The following NELL1 variants were observed in gnomAD, a reference collection of about 807,000 sequenced individuals.
NELL1 encodes the protein protein kinase C-binding protein NELL1.
A neutral mutation model predicts 107.4 loss-of-function variants in NELL1; 76 were observed. That is an observed-to-expected ratio of 0.71 (90% CI 0.59 to 0.86). NELL1 has a LOEUF of 0.86. NELL1 is among the 40% of genes least tolerant of loss of function. The probability of loss-of-function intolerance (pLI) is 0.00; values close to 1 mark genes in which losing one functional copy is unlikely to be tolerated. For synonymous variants in NELL1, 353 were observed against 341.2 expected, an observed-to-expected ratio of 1.03 and a Z score of -0.38; for missense variants, 1,024 against 1,005.5, an observed-to-expected ratio of 1.02 and a Z score of -0.25.
chr11:20,756,059 A>AT (rs1327300612), intron 2 of NELL1, among the ~76,000 whole-genome samples: 2 of 150,166 alleles, frequency 1.3e-5, no homozygotes, highest in Non-Finnish European at 3.0e-5. Flanking sequence ...CACCCGGCTA[A>AT]TTTTTTGTAT....
chr11:21,212,300 G>A (rs1216615007), intron 13 of NELL1, among the ~76,000 whole-genome samples: 2 of 152,140 alleles, frequency 1.3e-5, no homozygotes, highest in Non-Finnish European at 2.9e-5. Flanking sequence ...GGCTCATATA[G>A]TATGAGCATA....
chr11:21,139,022 G>C (rs975675192), intron 13 of NELL1, among the ~76,000 whole-genome samples: 1 of 152,144 alleles, frequency 6.6e-6, no homozygotes, highest in African/African-American at 2.4e-5. Flanking sequence ...AATACAAGTG[G>C]AACGTATTGA....
In NELL1 at chr11:21,452,534, A is replaced by T. The variant is rs1342041290; in HGVS notation, c.1645+81586A>T. 2.0e-5 allele frequency among the ~76,000 whole-genome samples: 3 copies of T among 152,162 alleles called. No homozygotes were observed. In the East Asian group the frequency reaches 5.8e-4, roughly 29 times the overall value. ...TTATGTGTCTGAAATATGTAGTTGT[A>T]ATCTGTGTGCTCTTTCTTTTCTTCT... On this transcript the variant is annotated intron_variant, in intron 15 of 19. Coordinates refer to ENST00000357134, the MANE Select transcript of NELL1 (RefSeq NM_006157.5).
chr11:20,690,809 A>G (rs1210548116), intron 2 of NELL1, among the ~76,000 whole-genome samples: 2 of 147,930 alleles, frequency 1.4e-5, no homozygotes, highest in Admixed American at 1.3e-4. Context: ...GTTTTTTCCA[A>G]TTCTGTGAAG....
chr11:21,354,169 G>A (rs754539874), intron 14 of NELL1, among the ~76,000 whole-genome samples: 2 of 152,076 alleles, frequency 1.3e-5, no homozygotes, highest in African/African-American at 2.4e-5. Flanking sequence ...AGATTTGTGC[G>A]AGGCTCCCCA....
intron 13 of NELL1, among the ~76,000 whole-genome samples, chr11:21,217,247 C>T (rs1337879820): frequency 1.3e-5 from 2 of 152,174 alleles, no homozygotes; most frequent in Non-Finnish European, 2.9e-5. Context: ...AATAAAACTA[C>T]TTTACTTTAT....
chr11:21,201,223 G>T (rs1181642582), intron 13 of NELL1, among the ~76,000 whole-genome samples: 8 of 152,202 alleles, frequency 5.3e-5, no homozygotes, highest in Admixed American at 5.2e-4. Flanking sequence ...ACTATGGGCA[G>T]TGTGGCCATT....
At chr11:21,094,541 G>A (rs1404749182) in intron 12 of NELL1, among the ~76,000 whole-genome samples, 1 of 152,216 alleles carries the variant, frequency 6.6e-6, no homozygotes, top group African/African-American at 2.4e-5. Context: ...GGCTCTCCAT[G>A]AGTGTCCTGC....
intron 5 of NELL1, among the ~76,000 whole-genome samples, chr11:20,902,875 T>C (rs910689784): frequency 2.0e-5 from 3 of 152,044 alleles, no homozygotes; most frequent in African/African-American, 7.2e-5. Flanking sequence ...ATCATGTATA[T>C]ATTTCAAAAT....
intron 13 of NELL1, among the ~76,000 whole-genome samples, chr11:21,153,344 A>G (rs1856160944): frequency 6.6e-6 from 1 of 152,068 alleles, no homozygotes; most frequent in Non-Finnish European, 1.5e-5. Context: ...GTATTTGTGT[A>G]TGTGAGATGA....
chr11:21,233,332 G>T (rs1201269084), intron 14 of NELL1, among the ~76,000 whole-genome samples: 1 of 152,122 alleles, frequency 6.6e-6, no homozygotes, highest in African/African-American at 2.4e-5. Context: ...TAAGTAAGAC[G>T]TAGTTGAATC....
intron 15 of NELL1, among the ~76,000 whole-genome samples, chr11:21,394,824 G>C (rs979995489): frequency 6.6e-6 from 1 of 151,452 alleles, no homozygotes; most frequent in Admixed American, 6.6e-5. Flanking sequence ...AGAATATTCA[G>C]ATATTCTATA....
chr11:20,968,670 G>A (rs1851433987), intron 12 of NELL1, among the ~76,000 whole-genome samples: 1 of 152,170 alleles, frequency 6.6e-6, no homozygotes, highest in South Asian at 2.1e-4. Flanking sequence ...CATTTTATCA[G>A]CTGTTTATAG....
chr11:21,197,212 T>G lies in NELL1; in HGVS notation c.1427-32120T>G, dbSNP rs552396178. Among the ~76,000 whole-genome samples, 7 of 151,962 alleles carry G rather than the reference T, an allele frequency of 4.6e-5. No homozygotes were observed. The South Asian group carries it at 1.5e-3, about 32-fold the overall frequency. On this transcript the variant is annotated intron_variant, in intron 13 of 19. Coordinates refer to ENST00000357134, the MANE Select transcript of NELL1 (RefSeq NM_006157.5). ...AATTCTTAAGCCAGTCTTTTTTTTT[T>G]TTTAACTAAAGGAGAAACAGTATGA...
At chr11:21,243,799 T>C (rs907511662) in intron 14 of NELL1, among the ~76,000 whole-genome samples, 2 of 152,250 alleles carry the variant, frequency 1.3e-5, no homozygotes, top group East Asian at 3.9e-4. Flanking sequence ...GGTTAGTGGC[T>C]ACCATAGCCA....
chr11:21,378,686 T>C (rs1166306358), intron 15 of NELL1, among the ~76,000 whole-genome samples: 1 of 151,666 alleles, frequency 6.6e-6, no homozygotes, highest in East Asian at 2.0e-4. Context: ...ATTTCTCTTA[T>C]GGTGTAAGAC....
At chr11:21,339,146 T>C (rs1258407152) in intron 14 of NELL1, among the ~76,000 whole-genome samples, 1 of 152,208 alleles carries the variant, frequency 6.6e-6, no homozygotes, top group African/African-American at 2.4e-5. Context: ...AATGTGACTG[T>C]ATGTGGAATA....
chr11:20,710,876 C>T (rs1011172592), intron 2 of NELL1, among the ~76,000 whole-genome samples: 3 of 151,804 alleles, frequency 2.0e-5, no homozygotes, highest in African/African-American at 7.3e-5. Context: ...GTAATATCTC[C>T]TGTTTCATTT....
At chr11:21,216,101 G>T (rs1307923196) in intron 13 of NELL1, among the ~76,000 whole-genome samples, 2 of 152,134 alleles carry the variant, frequency 1.3e-5, no homozygotes, top group Non-Finnish European at 2.9e-5. Context: ...ATGGCTAAAA[G>T]AGGCCAGGGT....
Sources: gnomAD v4.1 joint callset for allele counts (sites outside exome capture counted in the v4.1 genomes callset) on GRCh38, gnomAD v4.1.1 for gene constraint, MANE v1.5 for transcripts, NCBI Gene and HGNC (gene_info 2026-07-23, HGNC 2026-07-21) for gene names.